Variants in GPCPD1 observed in about 807,000 individuals in gnomAD.
GPCPD1 encodes glycerophosphocholine phosphodiesterase 1.
In GPCPD1, 29 loss-of-function variants were observed where a neutral mutation model predicts 89.2. That is an observed-to-expected ratio of 0.33 (90% CI 0.24 to 0.44). The LOEUF is 0.44. GPCPD1 is among the 20% of genes least tolerant of loss of function. The pLI is 1.00. For synonymous variants in GPCPD1, 258 were observed against 266.3 expected (o/e 0.97, Z 0.30); for missense variants, 594 against 808.9 (o/e 0.73, Z 3.22).
At position 5,560,245 on chromosome 20, in the gene GPCPD1, C is replaced by G. The variant is rs1237860969; in HGVS notation, c.1396-169G>C. 4.6e-5 allele frequency among the ~76,000 whole-genome samples: 7 copies of G among 152,264 alleles called. No individual in the cohort carries two copies. In the East Asian group the frequency reaches 1.3e-3, roughly 29 times the overall value. On this transcript the variant is annotated intron_variant, in intron 16 of 19. Transcript: ENST00000379019. ...AAAGATTAAGTGATCTGCCCAAGAT[C>G]ACAAAGCTATTTAGTGATGACACAG...
At chr20:5,601,919 AAAAC>A (rs1281047803) in intron 2 of GPCPD1, among the ~76,000 whole-genome samples, 2 of 152,234 alleles carry the variant, frequency 1.3e-5, no homozygotes, top group East Asian at 3.8e-4. Context: ...ATTTTTCACT[AAAAC>A]AAACAGACCT....
Position 5,573,955 on chromosome 20 carries a change from T to C in GPCPD1, c.1016A>G (p.Gln339Arg). The change falls in exon 11 of 20, where the codon CAA (glutamine) becomes CGA (arginine). Residue 339 changes from glutamine (Q) to arginine (R), a missense_variant. By Grantham distance (43) the Gln-to-Arg change is conservative. Transcript: ENST00000379019. ...TCTTAAAGAAGCAATAGTATTTTCT[T>C]GAACTTTAGCCAGCCTGAAAAGAAG... ...STTTAQLAKV[Q>R]ENTIASLRNA... The C allele has an allele frequency of 1.3e-6, 2 of 1,506,198 alleles. No individual in the cohort carries two copies. The allele number at this position is 1,506,198 out of a possible 1,614,324, so 93.3% of individuals were successfully genotyped here. A position where few individuals can be genotyped will look rare whatever the true frequency, so the allele number is the denominator to read the frequency against.
Position 5,558,611 on chromosome 20 carries a change from A to G in GPCPD1, c.1668+73T>C, listed in dbSNP as rs548035314. The G allele has an allele frequency of 1.8e-5, 16 of 872,396 alleles. No homozygotes were observed. The East Asian group carries it at 4.5e-4, about 24-fold the overall frequency. 54.0% of individuals were successfully genotyped at this position (872,396 alleles called of 1,614,324 possible). On this transcript the variant is annotated intron_variant, in intron 18 of 19. Coordinates refer to ENST00000379019, the MANE Select transcript of GPCPD1 (RefSeq NM_019593.5). ...ACGTTAACATTAGATGGGTAAAGTA[A>G]TATGAAATCTTTACTACTACTCCAA...
intron 14 of GPCPD1, among the ~76,000 whole-genome samples, chr20:5,566,076 T>C (rs1057013872): frequency 6.6e-6 from 1 of 152,178 alleles, no homozygotes; most frequent in African/African-American, 2.4e-5. Context: ...GGATAATCTT[T>C]GGTCTTAAGC....
In GPCPD1 at chr20:5,593,266, T is replaced by A. The variant is rs904400952; in HGVS notation, c.231+61A>T. On this transcript the variant is annotated intron_variant, in intron 4 of 19. Transcript: ENST00000379019. ...ATTTTACTTTGAACGTGTTCAAACT[T>A]AAGTGAGTTGCTTTTGAAGGAAGTG... 76 of 837,674 alleles carry A rather than the reference T, an allele frequency of 9.1e-5. 1 individual carries two copies. Among genetic ancestry groups the A allele is most frequent in the Non-Finnish European group, 1.4e-5 (7 of 485,088 alleles). 51.9% of individuals were successfully genotyped at this position (837,674 alleles called of 1,614,324 possible). A position where few individuals can be genotyped will look rare whatever the true frequency, so the allele number is the denominator to read the frequency against.
At chr20:5,574,915 TTAAA>T (rs750352593) in intron 10 of GPCPD1, among the ~76,000 whole-genome samples, 16 of 152,264 alleles carry the variant, frequency 1.1e-4, no homozygotes, top group Admixed American at 2.6e-4. Context: ...GCACTGGTAA[TTAAA>T]TAAACTTACA....
Position 5,592,929 on chromosome 20 carries a change from AT to A in GPCPD1, c.231+397del, listed in dbSNP as rs947941288. Among the ~76,000 whole-genome samples, 8 of 152,152 alleles carry A rather than the reference AT, an allele frequency of 5.3e-5. No homozygotes were observed. In the South Asian group the frequency reaches 8.3e-4, roughly 16 times the overall value. On this transcript the variant is annotated intron_variant, in intron 4 of 19. Transcript: ENST00000379019. ...ACTAAGAGATGGCTGCTGTGAAATA[AT>A]TTTTTTAATTACTCACTTAAAACAG...
intron 19 of GPCPD1, among the ~76,000 whole-genome samples, chr20:5,550,808 C>A (rs1347813852): frequency 6.6e-6 from 1 of 152,168 alleles, no homozygotes; most frequent in Non-Finnish European, 1.5e-5. Flanking sequence ...CCATAAAACT[C>A]ATTGAACCAA....
intron 19 of GPCPD1, chr20:5,549,406 C>T: frequency 5.0e-6 from 6 of 1,202,244 alleles, no homozygotes; most frequent in Non-Finnish European, 7.3e-6. Flanking sequence ...CTCCAAACAT[C>T]GTGATTGGTT....
intron 11 of GPCPD1, among the ~76,000 whole-genome samples, chr20:5,570,880 T>A (rs1006642513): frequency 1.3e-4 from 20 of 150,386 alleles, no homozygotes; most frequent in Non-Finnish European, 2.2e-4. Flanking sequence ...AAAAAGCAGA[T>A]CCACACAGAA....
intron 1 of GPCPD1, among the ~76,000 whole-genome samples, chr20:5,604,983 GT>G (rs1331314416): frequency 6.6e-6 from 1 of 151,586 alleles, no homozygotes; most frequent in South Asian, 2.1e-4. Flanking sequence ...TCTCAATAAA[GT>G]TTTTTTAAAA....
rs1978780581 is a variant in GPCPD1, at chr20:5,584,569, A to C, written c.308-247T>G. ...TTATGTTAAAAAGAAGAAAAAGAAA[A>C]CTCTTCAGAAAGGTGCTCTAGAGGC... On this transcript the variant is annotated intron_variant, in intron 5 of 19. Coordinates refer to ENST00000379019, the MANE Select transcript of GPCPD1 (RefSeq NM_019593.5). The C allele has an allele frequency of 2.0e-5, 5 of 249,618 alleles. No homozygotes were observed. The South Asian group carries it at 3.4e-4, about 17-fold the overall frequency. The allele number at this position is 249,618 out of a possible 1,614,324, so 15.5% of individuals were successfully genotyped here.
intron 11 of GPCPD1, 114 bp from the exon 12 acceptor site, chr20:5,570,353 T>C: frequency 4.4e-6 from 2 of 451,348 alleles, no homozygotes; most frequent in South Asian, 5.0e-5. Flanking sequence ...GTACAAACTT[T>C]TTCTAAAAAG....
intron 7 of GPCPD1, among the ~76,000 whole-genome samples, chr20:5,579,242 G>A (rs1232562822): frequency 6.6e-6 from 1 of 152,044 alleles, no homozygotes; most frequent in Non-Finnish European, 1.5e-5. Flanking sequence ...TTTTTCCTGT[G>A]TGGAAAATTT....
At chr20:5,607,483 C>A (rs1467621930) in intron 1 of GPCPD1, among the ~76,000 whole-genome samples, 1 of 151,534 alleles carries the variant, frequency 6.6e-6, no homozygotes, top group Admixed American at 6.6e-5. Flanking sequence ...GAAGCTGAGG[C>A]AGGAGAATCA....
intron 11 of GPCPD1, among the ~76,000 whole-genome samples, chr20:5,570,923 A>G (rs1217969282): frequency 6.6e-6 from 1 of 152,236 alleles, no homozygotes; most frequent in African/African-American, 2.4e-5. Flanking sequence ...AAAGAAAAAA[A>G]GAAAGAAAGA....
chr20:5,594,089 G>A (rs1333566724), intron 3 of GPCPD1, among the ~76,000 whole-genome samples: 5 of 152,130 alleles, frequency 3.3e-5, no homozygotes, highest in African/African-American at 1.2e-4. Context: ...CTGCCTTAAG[G>A]TCAAGAATTC....
intron 8 of GPCPD1, 127 bp from the exon 9 acceptor site, chr20:5,576,105 ATAT>A (rs929935301): frequency 6.8e-5 from 29 of 424,630 alleles, no homozygotes; most frequent in African/African-American, 2.7e-4. Context: ...GTGTATATAT[ATAT>A]TTTTTTTTTC....
Position 5,575,469 on chromosome 20 carries a change from T to C in GPCPD1, c.945A>G (p.Pro315=), listed in dbSNP as rs1296301936. 2 of 1,603,772 alleles carry C rather than the reference T, an allele frequency of 1.2e-6. No homozygotes were observed. The highest frequency in any genetic ancestry group is 2.7e-5 in the African/African-American group (2 of 74,882). The change falls in exon 10 of 20, where the codon CCA becomes CCG. Residue 315 remains proline (P), a synonymous_variant. Coordinates refer to ENST00000379019, the MANE Select transcript of GPCPD1 (RefSeq NM_019593.5). ...GATGGCCAACATCCAATGGTATTCT[T>C]GGCTTCCAATACTTGGAAAATGAAG... The part of the protein sequence containing the change: ...MKSSFSKYWK[P]RIPLDVGHRG...
Sources: gnomAD v4.1 joint callset for allele counts (sites outside exome capture counted in the v4.1 genomes callset) on GRCh38, gnomAD v4.1.1 for gene constraint, MANE v1.5 for transcripts, NCBI Gene and HGNC (gene_info 2026-07-23, HGNC 2026-07-21) for gene names.